The following GRIK4 variants were observed in gnomAD, a reference collection of about 807,000 sequenced individuals.
GRIK4 encodes the protein glutamate receptor ionotropic, kainate 4.
Under a neutral mutation model 104.9 loss-of-function variants are expected in GRIK4, and 40 were observed. The observed-to-expected ratio is 0.38, with a 90% CI of 0.30 to 0.50. The LOEUF (loss-of-function observed/expected upper bound fraction) is 0.50, where lower values mean the gene tolerates loss of function less well. Among genes scored for constraint, GRIK4 ranks in the 20% least tolerant of loss-of-function variants. The pLI, the probability that GRIK4 is intolerant of heterozygous loss-of-function variation, is 0.93. For synonymous variants in GRIK4, 485 were observed against 524.9 expected, an observed-to-expected ratio of 0.92 and a Z score of 1.04; for missense variants, 1,047 against 1,308.1, an observed-to-expected ratio of 0.80 and a Z score of 3.08.
intron 13 of GRIK4, among the ~76,000 whole-genome samples, chr11:120,935,348 C>T (rs769749119): frequency 1.5e-4 from 23 of 151,738 alleles, no homozygotes; most frequent in Non-Finnish European, 5.9e-5. Flanking sequence ...GTCAGGAGTT[C>T]GAGACCAGCC....
intron 12 of GRIK4, among the ~76,000 whole-genome samples, chr11:120,900,838 T>C (rs551132252): frequency 8.1e-4 from 123 of 152,168 alleles, no homozygotes; most frequent in African/African-American, 2.8e-3. Context: ...TCTGAACCAG[T>C]GTGAAAATGC....
chr11:120,620,218 A>G (rs904470216), intron 1 of GRIK4: 7 of 783,854 alleles, frequency 8.9e-6, no homozygotes, highest in Admixed American at 3.4e-5. Context: ...TTTGACATAC[A>G]TGGCATCAGG....
chr11:120,764,048 G>A (rs531782092), intron 3 of GRIK4, among the ~76,000 whole-genome samples: 8 of 151,976 alleles, frequency 5.3e-5, no homozygotes, highest in South Asian at 2.1e-4. Flanking sequence ...GTGGAGTGTC[G>A]AAGTCTCCCA....
At chr11:120,867,118 C>T (rs960443534) in intron 9 of GRIK4, among the ~76,000 whole-genome samples, 1 of 152,110 alleles carries the variant, frequency 6.6e-6, no homozygotes, top group Non-Finnish European at 1.5e-5. Flanking sequence ...GCTACTGTCT[C>T]TGTGGCCTCC....
intron 1 of GRIK4, among the ~76,000 whole-genome samples, chr11:120,644,424 GC>G (rs1949515100): frequency 6.6e-6 from 1 of 152,204 alleles, no homozygotes; most frequent in Non-Finnish European, 1.5e-5. Flanking sequence ...ACTGCAAATA[GC>G]CCCGTGAGGT....
chr11:120,659,342 A>G (rs1028590533), intron 2 of GRIK4, among the ~76,000 whole-genome samples: 3 of 152,098 alleles, frequency 2.0e-5, no homozygotes, highest in Admixed American at 6.5e-5. Flanking sequence ...ATAACCTGGG[A>G]GGTGTGTGTC....
intron 1 of GRIK4, among the ~76,000 whole-genome samples, chr11:120,645,250 G>C (rs892235943): frequency 2.6e-5 from 4 of 152,218 alleles, no homozygotes; most frequent in Non-Finnish European, 2.9e-5. Flanking sequence ...AGTGCTGAGA[G>C]GTCTCAGCCT....
chr11:120,919,477 C>G (rs1943180919), intron 13 of GRIK4, among the ~76,000 whole-genome samples: 1 of 152,194 alleles, frequency 6.6e-6, no homozygotes, highest in Non-Finnish European at 1.5e-5. Flanking sequence ...ACACCTGGGA[C>G]TTGTCAGAAT....
intron 3 of GRIK4, among the ~76,000 whole-genome samples, chr11:120,679,729 C>T (rs1344326754): frequency 6.6e-6 from 1 of 152,212 alleles, no homozygotes; most frequent in Non-Finnish European, 1.5e-5. Context: ...CCTTTGGGCT[C>T]TCTCATGCCT....
chr11:120,849,694 A>G (rs1053056263), intron 8 of GRIK4, among the ~76,000 whole-genome samples: 1 of 152,182 alleles, frequency 6.6e-6, no homozygotes, highest in African/African-American at 2.4e-5. Context: ...TTCACTCAAT[A>G]AGTGGCAGAT....
At chr11:120,807,290 C>T (rs1374311797) in intron 4 of GRIK4, among the ~76,000 whole-genome samples, 2 of 152,132 alleles carry the variant, frequency 1.3e-5, no homozygotes, top group Non-Finnish European at 2.9e-5. Flanking sequence ...TAAGCACCAC[C>T]CTTTACCATT....
chr11:120,695,960 C>G (rs1950441936), intron 3 of GRIK4, among the ~76,000 whole-genome samples: 1 of 152,166 alleles, frequency 6.6e-6, no homozygotes, highest in South Asian at 2.1e-4. Context: ...GGCCCAGGCT[C>G]TCACATGCCT....
intron 20 of GRIK4, among the ~76,000 whole-genome samples, chr11:120,983,996 C>T (rs1359837332): frequency 6.6e-6 from 1 of 151,990 alleles, no homozygotes; most frequent in Non-Finnish European, 1.5e-5. Flanking sequence ...ATTTAGTTAA[C>T]AATTGGGGGG....
At chr11:120,630,577 G>A (rs1014139934) in intron 1 of GRIK4, among the ~76,000 whole-genome samples, 3 of 152,196 alleles carry the variant, frequency 2.0e-5, no homozygotes, top group African/African-American at 7.2e-5. Context: ...GTGTTGGGCC[G>A]AGCTCTGGGT....
At chr11:120,752,301 C>G (rs569446993) in intron 3 of GRIK4, among the ~76,000 whole-genome samples, 1 of 152,338 alleles carries the variant, frequency 6.6e-6, no homozygotes, top group Non-Finnish European at 1.5e-5. Context: ...ACTCTACTTG[C>G]AGAGTTTTGA....
intron 1 of GRIK4, among the ~76,000 whole-genome samples, chr11:120,538,194 C>T (rs898706094): frequency 4.6e-5 from 7 of 152,220 alleles, no homozygotes; most frequent in African/African-American, 1.7e-4. Context: ...GTGTGCTTGT[C>T]CCCAGGACGA....
At chr11:120,969,188 C>T (rs1358452024) in intron 19 of GRIK4, among the ~76,000 whole-genome samples, 2 of 152,174 alleles carry the variant, frequency 1.3e-5, no homozygotes, top group Non-Finnish European at 2.9e-5. Flanking sequence ...GGTTAGCAAA[C>T]AATTCTTGAC....
At chr11:120,730,723 G>A (rs1951113654) in intron 3 of GRIK4, among the ~76,000 whole-genome samples, 1 of 151,904 alleles carries the variant, frequency 6.6e-6, no homozygotes, top group African/African-American at 2.4e-5. Flanking sequence ...CTTTTTTGGT[G>A]TCCTCTTTAA....
rs770832169 is a variant in GRIK4 at position 120,802,772 on chromosome 11, C to G, written c.162C>G (p.Arg54=). ...CCCTGGCCAAGAACCGCATCAACCGCGCTCCTGAGAGGCTGGGCAAGGCCA... is the reference window on the plus strand; with the variant it reads ...CCCTGGCCAAGAACCGCATCAACCGGGCTCCTGAGAGGCTGGGCAAGGCCA... ...SITLAKNRIN[R]APERLGKAKV... Residue 54 remains arginine, a synonymous_variant, in exon 4 of 21, where the codon CGC becomes CGG. Transcript: ENST00000527524. 2.5e-6 allele frequency: 4 copies of G among 1,614,116 alleles called. No homozygotes were observed. Among genetic ancestry groups the G allele is most frequent in the Non-Finnish European group, 3.4e-6 (4 of 1,179,958 alleles).
Sources: allele counts gnomAD v4.1 joint callset (sites outside exome capture counted in the v4.1 genomes callset), GRCh38; gene constraint gnomAD v4.1.1; transcripts MANE v1.5; gene names NCBI Gene and HGNC (gene_info 2026-07-23, HGNC 2026-07-21).